PKHD1: variants seen among roughly 807,000 people sequenced by gnomAD.
PKHD1 encodes the protein PKHD1 ciliary IPT domain containing fibrocystin/polyductin, also known as fibrocystin.
A neutral mutation model predicts 412.0 loss-of-function variants in PKHD1; 291 were observed. The ratio of observed to expected loss-of-function variants is 0.71; its 90% CI spans 0.64 to 0.78. The LOEUF is 0.78. PKHD1 is among the 30% of genes least tolerant of loss of function. The pLI, the probability that PKHD1 is intolerant of heterozygous loss-of-function variation, is 0.00. For synonymous variants in PKHD1, 1,777 were observed against 1,821.5 expected (o/e 0.98, Z 0.62); for missense variants, 4,825 against 4,950.7 (o/e 0.97, Z 0.76).
chr6:51,674,962 T>C (rs1370021403), intron 60 of PKHD1, among the ~76,000 whole-genome samples: 1 of 152,176 alleles, frequency 6.6e-6, no homozygotes, highest in East Asian at 1.9e-4. Flanking sequence ...GAAATCCTGG[T>C]CTTCATAAAT....
intron 60 of PKHD1, among the ~76,000 whole-genome samples, chr6:51,712,457 T>C: frequency 6.6e-6 from 1 of 152,194 alleles, no homozygotes; most frequent in East Asian, 1.9e-4. Flanking sequence ...AACCATTTCT[T>C]GTATACCCTT....
rs113217742 is a variant in PKHD1, at chr6:52,054,435, G to A, written c.1837-270C>T. Among the ~76,000 whole-genome samples the A allele has an allele frequency of 4.6e-3, 699 of 152,284 alleles. 6 individuals are homozygous for A. Among genetic ancestry groups the A allele is most frequent in the African/African-American group, 0.016 (653 of 41,558 alleles). On this transcript the variant is annotated intron_variant, in intron 19 of 66. Transcript: ENST00000371117. ...ATCAAACAGAGTTTTTAAATGCTTA[G>A]CACTGTGCTTGGCAGTGAGGATTTT...
At chr6:51,721,541 A>G in intron 60 of PKHD1, 1 of 990,386 alleles carries the variant, frequency 1.0e-6, no homozygotes, top group Non-Finnish European at 1.2e-6. Context: ...CCAAAGCTCT[A>G]ATTCCAAAGA....
chr6:52,053,052 G>C (rs1807121132), intron 21 of PKHD1, 24 bp downstream of exon 21: 1 of 1,611,184 alleles, frequency 6.2e-7, no homozygotes, highest in African/African-American at 1.3e-5. Context: ...CCGGCTTGTG[G>C]AGGAGAGAGA....
chr6:51,749,943 T>C (rs1785813702), intron 57 of PKHD1, among the ~76,000 whole-genome samples: 1 of 152,200 alleles, frequency 6.6e-6, no homozygotes, highest in Admixed American at 6.5e-5. Flanking sequence ...TATAAAGTTA[T>C]TTATCTCATT....
At chr6:52,066,192 C>A in intron 11 of PKHD1, 115 bp from the exon 12 acceptor site, 1 of 622,142 alleles carries the variant, frequency 1.6e-6, no homozygotes, top group South Asian at 2.0e-5. Flanking sequence ...CTTTCTAAGT[C>A]CAGCAACAGT....
At position 51,847,987 on chromosome 6, in the gene PKHD1, A is replaced by AAC. The variant is rs1406817291; in HGVS notation, c.7912-19_7912-18dup. ...TGCTGAGTACTTGAAGTGAAAGAAA[A>AAC]ACACAATAGTGCTCATTTAGTAAGG... is the stretch of plus-strand genomic sequence containing the variant. On this transcript the variant is annotated splice_polypyrimidine_tract_variant and intron_variant, in intron 49 of 66. Coordinates refer to ENST00000371117, the MANE Select transcript of PKHD1 (RefSeq NM_138694.4). The AAC allele has an allele frequency of 3.2e-6, 5 of 1,569,432 alleles. No homozygotes were observed. The South Asian group carries it at 5.5e-5, about 17-fold the overall frequency.
rs140090226 is a variant in PKHD1 at position 51,700,702 on chromosome 6, T to C, written c.10157-40733A>G. 9.5e-4 allele frequency among the ~76,000 whole-genome samples: 145 copies of C among 152,280 alleles called. 6 individuals are homozygous for C. In the East Asian group the frequency reaches 0.021, roughly 22 times the overall value. ...GAAAATAAGCCAAAACCATTCTGTA[T>C]GCACTTAACATTGCTTTCTTTGGTA... On this transcript the variant is annotated intron_variant, in intron 60 of 66. Transcript: ENST00000371117.
chr6:52,036,694 G>A (rs752044827), intron 27 of PKHD1, among the ~76,000 whole-genome samples: 8 of 152,024 alleles, frequency 5.3e-5, no homozygotes, highest in Admixed American at 2.6e-4. Context: ...ATATACAATC[G>A]TGATATAAAA....
chr6:51,966,743 T>C (rs573437363), intron 35 of PKHD1, among the ~76,000 whole-genome samples: 83 of 152,224 alleles, frequency 5.5e-4, no homozygotes, highest in South Asian at 8.3e-4. Flanking sequence ...CCTGACCTCA[T>C]GGAGCTTATA....
intron 61 of PKHD1, among the ~76,000 whole-genome samples, chr6:51,650,029 G>A (rs535883603): frequency 9.2e-5 from 14 of 152,190 alleles, no homozygotes; most frequent in Middle Eastern, 3.4e-3. Context: ...AAGAAACTGA[G>A]GTCCAAAAAG....
At chr6:51,908,738 A>C (rs1011388763) in intron 40 of PKHD1, among the ~76,000 whole-genome samples, 1 of 152,120 alleles carries the variant, frequency 6.6e-6, no homozygotes, top group Non-Finnish European at 1.5e-5. Context: ...CAAGATCTGC[A>C]CATGTAACTG....
At chr6:51,667,607 T>C (rs1193984691) in intron 60 of PKHD1, among the ~76,000 whole-genome samples, 1 of 152,010 alleles carries the variant, frequency 6.6e-6, no homozygotes, top group Non-Finnish European at 1.5e-5. Flanking sequence ...GTTTTAGACA[T>C]GAAGTCCTTG....
At chr6:51,826,354 A>G (rs1485933257) in intron 52 of PKHD1, among the ~76,000 whole-genome samples, 2 of 152,196 alleles carry the variant, frequency 1.3e-5, no homozygotes, top group Non-Finnish European at 2.9e-5. Context: ...TACAAAATGT[A>G]ACAGTGAATT....
At chr6:51,642,573 C>T (rs1036617394) in intron 63 of PKHD1, among the ~76,000 whole-genome samples, 1 of 152,120 alleles carries the variant, frequency 6.6e-6, no homozygotes, top group African/African-American at 2.4e-5. Flanking sequence ...GGCACGGTGG[C>T]TCACACCTGT....
At chr6:52,042,035 A>C (rs1373595264) in intron 27 of PKHD1, among the ~76,000 whole-genome samples, 1 of 152,148 alleles carries the variant, frequency 6.6e-6, no homozygotes, top group East Asian at 1.9e-4. Flanking sequence ...CTACACTCAA[A>C]CCAATAATTA....
chr6:52,048,751 A>G (rs1487753901), intron 22 of PKHD1, 132 bp from the exon 23 acceptor site: 4 of 987,140 alleles, frequency 4.1e-6, no homozygotes, highest in African/African-American at 1.6e-5. Flanking sequence ...GAGGAAACTC[A>G]GTAAGGGAGT....
At chr6:51,895,674 C>T (rs1238940245) in intron 43 of PKHD1, among the ~76,000 whole-genome samples, 2 of 152,036 alleles carry the variant, frequency 1.3e-5, no homozygotes, top group Admixed American at 6.6e-5. Flanking sequence ...CCAAGATGGC[C>T]GAATAGGAAC....
Position 51,883,209 on chromosome 6 carries a change from G to A in PKHD1, c.7234C>T (p.Leu2412Phe). 9.3e-6 allele frequency: 15 copies of A among 1,613,502 alleles called. No individual in the cohort carries two copies. The highest frequency in any genetic ancestry group is 2.2e-5 in the South Asian group (2 of 91,074). ...GGAQIFRSSN[L>F]RLKNFKVYSC... ...TAAACTTTGAAGTTTTTCAGGCGAA[G>A]ATTGCTACTTCTAAAAATCTATAAA... Residue 2412 changes from leucine (L) to phenylalanine (F), a missense_variant, in exon 46 of 67, where the codon CTT becomes TTT. Physicochemically the swap from Leu to Phe is conservative, Grantham distance 22. Coordinates refer to ENST00000371117, the MANE Select transcript of PKHD1 (RefSeq NM_138694.4).
Sources: allele counts gnomAD v4.1 joint callset (sites outside exome capture counted in the v4.1 genomes callset), GRCh38; gene constraint gnomAD v4.1.1; transcripts MANE v1.5; gene names NCBI Gene and HGNC (gene_info 2026-07-23, HGNC 2026-07-21).